Variants in BNC2 observed in about 807,000 individuals in gnomAD.
BNC2 encodes zinc finger protein basonuclin-2.
A neutral mutation model predicts 76.3 loss-of-function variants in BNC2; 20 were observed. The ratio of observed to expected loss-of-function variants is 0.26; its 90% CI spans 0.18 to 0.38. BNC2 has a LOEUF of 0.38. BNC2 is among the 10% of genes least tolerant of loss of function. The probability of loss-of-function intolerance (pLI) is 1.00; values close to 1 mark genes in which losing one functional copy is unlikely to be tolerated. For synonymous variants in BNC2, 582 were observed against 514.8 expected, an observed-to-expected ratio of 1.13 and a Z score of -1.77; for missense variants, 1,382 against 1,399.8, an observed-to-expected ratio of 0.99 and a Z score of 0.20.
chr9:16,560,720 G>C (rs758880898), intron 4 of BNC2, among the ~76,000 whole-genome samples: 3 of 152,108 alleles, frequency 2.0e-5, no homozygotes, highest in African/African-American at 7.2e-5. Flanking sequence ...GAATGAGACC[G>C]CATCTCTAAA....
chr9:16,689,952 G>A (rs569417138), intron 3 of BNC2, among the ~76,000 whole-genome samples: 3 of 152,184 alleles, frequency 2.0e-5, no homozygotes, highest in Non-Finnish European at 4.4e-5. Flanking sequence ...GAAGATGCAC[G>A]CTAAACACAC....
chr9:16,700,134 A>G (rs1470302402), intron 3 of BNC2, among the ~76,000 whole-genome samples: 2 of 152,234 alleles, frequency 1.3e-5, no homozygotes, highest in Admixed American at 6.5e-5. Context: ...AAAATGAAGT[A>G]GAGTCTGTAG....
At chr9:16,832,803 G>A (rs1000475819) in intron 1 of BNC2, among the ~76,000 whole-genome samples, 2 of 151,690 alleles carry the variant, frequency 1.3e-5, no homozygotes, top group Admixed American at 1.3e-4. Context: ...TCGGCTTACT[G>A]CAACCCCCGC....
intron 5 of BNC2, among the ~76,000 whole-genome samples, chr9:16,534,140 AG>A (rs1818063519): frequency 6.6e-6 from 1 of 152,186 alleles, no homozygotes; most frequent in Non-Finnish European, 1.5e-5. Flanking sequence ...AAAGAGCTCT[AG>A]ATGTGATATT....
At chr9:16,723,654 A>G (rs1587353462) in intron 3 of BNC2, among the ~76,000 whole-genome samples, 1 of 152,244 alleles carries the variant, frequency 6.6e-6, no homozygotes, top group East Asian at 1.9e-4. Context: ...TACATTTCTT[A>G]TATTTTATTT....
chr9:16,640,251 C>G (rs1446665307), intron 3 of BNC2, among the ~76,000 whole-genome samples: 1 of 152,076 alleles, frequency 6.6e-6, no homozygotes, highest in Non-Finnish European at 1.5e-5. Context: ...TGATTAAATC[C>G]AGAAACCAAA....
intron 3 of BNC2, among the ~76,000 whole-genome samples, chr9:16,714,233 A>C (rs546604010): frequency 6.6e-6 from 1 of 152,372 alleles, no homozygotes; most frequent in South Asian, 2.1e-4. Flanking sequence ...ATAGCCTAGC[A>C]TATGTAACAA....
At chr9:16,751,707 T>TATAC (rs1825216951) in intron 1 of BNC2, among the ~76,000 whole-genome samples, 1 of 148,512 alleles carries the variant, frequency 6.7e-6, no homozygotes, top group African/African-American at 2.5e-5. Flanking sequence ...TATATATATA[T>TATAC]GTATGTATAT....
At chr9:16,430,729 C>G (rs1314202445) in intron 6 of BNC2, among the ~76,000 whole-genome samples, 3 of 152,312 alleles carry the variant, frequency 2.0e-5, no homozygotes, top group Middle Eastern at 3.4e-3. Flanking sequence ...CTACCGCTAA[C>G]CCAGAGGCCT....
intron 4 of BNC2, among the ~76,000 whole-genome samples, chr9:16,564,928 C>A (rs1454502269): frequency 6.6e-6 from 1 of 152,036 alleles, no homozygotes; most frequent in Non-Finnish European, 1.5e-5. Flanking sequence ...CACGAACATT[C>A]AAAATTATCT....
chr9:16,516,546 G>A (rs1817446443), intron 5 of BNC2, among the ~76,000 whole-genome samples: 1 of 152,108 alleles, frequency 6.6e-6, no homozygotes, highest in South Asian at 2.1e-4. Context: ...CCAATACAGG[G>A]TGAGAACTCA....
chr9:16,689,187 A>AAAG, intron 3 of BNC2, among the ~76,000 whole-genome samples: 1 of 148,592 alleles, frequency 6.7e-6, no homozygotes, highest in Non-Finnish European at 1.5e-5. Context: ...AAAAAAAAAA[A>AAAG]TGTTAGGGAC....
At chr9:16,575,275 G>A (rs1427801808) in intron 4 of BNC2, 32 of 985,256 alleles carry the variant, frequency 3.2e-5, no homozygotes, top group East Asian at 1.1e-4. Context: ...TCATTCACCC[G>A]AAGCGGGATA....
chr9:16,441,324 A>G (rs1821124395), intron 5 of BNC2, among the ~76,000 whole-genome samples: 2 of 152,194 alleles, frequency 1.3e-5, no homozygotes, highest in African/African-American at 4.8e-5. Flanking sequence ...ATCATTATCA[A>G]TTTGATCAAG....
intron 3 of BNC2, among the ~76,000 whole-genome samples, chr9:16,659,453 C>G (rs1468109801): frequency 6.6e-6 from 1 of 152,032 alleles, no homozygotes; most frequent in South Asian, 2.1e-4. Context: ...ACTAAAAACA[C>G]AAAAATTAGC....
At chr9:16,473,951 C>T (rs1166611173) in intron 5 of BNC2, among the ~76,000 whole-genome samples, 1 of 152,152 alleles carries the variant, frequency 6.6e-6, no homozygotes, top group Non-Finnish European at 1.5e-5. Context: ...TTCAGATCCA[C>T]TGGGCAATGT....
At chr9:16,619,938 T>C (rs2133569793) in intron 3 of BNC2, among the ~76,000 whole-genome samples, 1 of 152,318 alleles carries the variant, frequency 6.6e-6, no homozygotes, top group African/African-American at 2.4e-5. Context: ...TTTTGCATGA[T>C]GCTTTCAGTG....
chr9:16,866,160 C>G (rs1386406724), intron 1 of BNC2, among the ~76,000 whole-genome samples: 1 of 152,020 alleles, frequency 6.6e-6, no homozygotes, highest in Non-Finnish European at 1.5e-5. Context: ...AACTGTATCA[C>G]AAATGTTAAT....
At chr9:16,573,151 C>T (rs538990474) in intron 4 of BNC2, among the ~76,000 whole-genome samples, 4 of 150,312 alleles carry the variant, frequency 2.7e-5, no homozygotes, top group African/African-American at 9.8e-5. Flanking sequence ...TTGCTTGAAC[C>T]CAGGAAGGGG....
Sources: allele counts gnomAD v4.1 joint callset (sites outside exome capture counted in the v4.1 genomes callset), GRCh38; gene constraint gnomAD v4.1.1; transcripts MANE v1.5; gene names NCBI Gene and HGNC (gene_info 2026-07-23, HGNC 2026-07-21).